AEBP2: variants seen among roughly 807,000 people sequenced by gnomAD.
AEBP2 encodes the protein AE binding protein 2, also known as zinc finger protein AEBP2.
AEBP2 carries 10 observed loss-of-function variants against 50.8 expected under a neutral mutation model. The ratio of observed to expected loss-of-function variants is 0.20; its 90% CI spans 0.12 to 0.33. AEBP2 has a LOEUF of 0.33. AEBP2 is among the 10% of genes least tolerant of loss of function. The pLI is 1.00. For missense variants in AEBP2, 570 were observed against 688.0 expected, an observed-to-expected ratio of 0.83 and a Z score of 1.92; for synonymous variants, 296 against 261.3, an observed-to-expected ratio of 1.13 and a Z score of -1.28.
chr12:19,451,032 A>G (rs373081784), intron 1 of AEBP2, among the ~76,000 whole-genome samples: 75 of 152,244 alleles, frequency 4.9e-4, no homozygotes, highest in African/African-American at 1.5e-3. Context: ...GACTATGGGC[A>G]AATCTTAATT....
upstream of AEBP2, among the ~76,000 whole-genome samples, chr12:19,436,403 G>A (rs1317471037): frequency 6.6e-6 from 1 of 152,104 alleles, no homozygotes; most frequent in Non-Finnish European, 1.5e-5. Context: ...CCTCAGTGCT[G>A]CTCTGTCTAT....
chr12:19,439,231 C>T (rs1947893828), upstream of AEBP2, among the ~76,000 whole-genome samples: 1 of 152,232 alleles, frequency 6.6e-6, no homozygotes, highest in Non-Finnish European at 1.5e-5. Flanking sequence ...TCAAACACCC[C>T]CGGAATGAAT....
chr12:19,464,876 C>T (rs901222178), intron 2 of AEBP2, among the ~76,000 whole-genome samples: 2 of 151,988 alleles, frequency 1.3e-5, no homozygotes, highest in African/African-American at 2.4e-5. Context: ...AAGTGTGAGC[C>T]ATCGCACCCG....
At chr12:19,504,786 A>G (rs998704187) in intron 5 of AEBP2, among the ~76,000 whole-genome samples, 2 of 152,210 alleles carry the variant, frequency 1.3e-5, no homozygotes, top group African/African-American at 4.8e-5. Context: ...CTTTATTTAA[A>G]AAAAGGCAAG....
chr12:19,491,290 A>C (rs552606763), intron 3 of AEBP2, among the ~76,000 whole-genome samples: 7 of 152,310 alleles, frequency 4.6e-5, no homozygotes, highest in Admixed American at 3.9e-4. Context: ...GATGCAGCCT[A>C]TTTGAGGACC....
At chr12:19,475,475 T>TATAC (rs1948634934) in intron 3 of AEBP2, among the ~76,000 whole-genome samples, 1 of 152,166 alleles carries the variant, frequency 6.6e-6, no homozygotes, top group African/African-American at 2.4e-5. Flanking sequence ...TATATATATA[T>TATAC]ATACTGCATT....
intron 1 of AEBP2, among the ~76,000 whole-genome samples, chr12:19,429,312 C>A (rs1044133085): frequency 2.0e-5 from 3 of 152,092 alleles, no homozygotes; most frequent in Non-Finnish European, 4.4e-5. Flanking sequence ...TGAACTCATC[C>A]TTTTTTATGG....
At chr12:19,484,977 A>G (rs985342703) in intron 3 of AEBP2, among the ~76,000 whole-genome samples, 1 of 152,140 alleles carries the variant, frequency 6.6e-6, no homozygotes, top group Non-Finnish European at 1.5e-5. Flanking sequence ...TTCCTGTCTA[A>G]TGTGTAGTTG....
intron 2 of AEBP2, among the ~76,000 whole-genome samples, chr12:19,472,902 A>G (rs1948592288): frequency 1.3e-5 from 2 of 152,080 alleles, no homozygotes; most frequent in African/African-American, 4.8e-5. Flanking sequence ...TTCCTATTTA[A>G]AATTAATAGA....
chr12:19,497,275 A>G (rs1015402561), intron 4 of AEBP2, among the ~76,000 whole-genome samples: 1 of 145,644 alleles, frequency 6.9e-6, no homozygotes, highest in African/African-American at 2.5e-5. Context: ...CATACAATAT[A>G]TGTAATTTTG....
chr12:19,451,656 A>T (rs1325316874), intron 1 of AEBP2, among the ~76,000 whole-genome samples: 2 of 151,098 alleles, frequency 1.3e-5, no homozygotes, highest in East Asian at 3.9e-4. Flanking sequence ...GGAGTTAAGG[A>T]TGGGGTCTTT....
chr12:19,452,444 C>G (rs1287247762), intron 1 of AEBP2, among the ~76,000 whole-genome samples: 1 of 151,836 alleles, frequency 6.6e-6, no homozygotes, highest in Non-Finnish European at 1.5e-5. Context: ...TACATAATTG[C>G]TTTTTTCCCC....
rs763793787 is a variant in AEBP2 at position 19,518,460 on chromosome 12, T to A, written c.*343T>A. On this transcript the variant is annotated 3_prime_UTR_variant, in exon 8 of 8. Transcript: ENST00000266508. ...CTGCTTTTTTTTTTCTTTTCTTCCCTTTAGTGATTTCAGTAGTTTATATTG... is the reference window on the plus strand; with the variant it reads ...CTGCTTTTTTTTTTCTTTTCTTCCCATTAGTGATTTCAGTAGTTTATATTG... The A allele has an allele frequency of 8.1e-7, 1 of 1,240,810 alleles. No individual in the cohort carries two copies. Among genetic ancestry groups the A allele is most frequent in the East Asian group, 3.2e-5 (1 of 31,432 alleles). 76.9% of individuals were successfully genotyped at this position (1,240,810 alleles called of 1,614,324 possible).
At chr12:19,452,570 C>A (rs1346604431) in intron 1 of AEBP2, among the ~76,000 whole-genome samples, 1 of 151,542 alleles carries the variant, frequency 6.6e-6, no homozygotes, top group East Asian at 1.9e-4. Flanking sequence ...AACTTTTAAT[C>A]CCTTTGTCAA....
intron 4 of AEBP2, among the ~76,000 whole-genome samples, chr12:19,498,635 G>GATCTTGAAAAATTACAT (rs1278209120): frequency 4.6e-5 from 7 of 152,076 alleles, no homozygotes; most frequent in African/African-American, 1.7e-4. Flanking sequence ...TTCAATTACA[G>GATCTTGAAAAATTACAT]ATCTTGAAAA....
chr12:19,440,522 C>A (rs111671244), intron 1 of AEBP2, 152 bp downstream of exon 1: 506 of 1,383,610 alleles, frequency 3.7e-4, no homozygotes, highest in Non-Finnish European at 4.5e-4. Flanking sequence ...CTCTCGCCGT[C>A]GCCGCCGCGC....
chr12:19,432,556 T>C (rs1021391842), intron 1 of AEBP2, among the ~76,000 whole-genome samples: 4 of 152,026 alleles, frequency 2.6e-5, no homozygotes, highest in Non-Finnish European at 4.4e-5. Flanking sequence ...TAGCCCGGCA[T>C]GATGGCATGC....
chr12:19,499,051 A>G (rs1412791730), intron 4 of AEBP2, among the ~76,000 whole-genome samples: 1 of 152,180 alleles, frequency 6.6e-6, no homozygotes, highest in African/African-American at 2.4e-5. Context: ...ATATAAGCTG[A>G]TTAATACAAA....
chr12:19,464,180 C>T (rs1030875126), intron 2 of AEBP2, among the ~76,000 whole-genome samples: 7 of 152,172 alleles, frequency 4.6e-5, no homozygotes, highest in Admixed American at 1.3e-4. Flanking sequence ...GTGTAAAACC[C>T]AGCTCAGTGG....
Sources: allele counts gnomAD v4.1 joint callset (sites outside exome capture counted in the v4.1 genomes callset), GRCh38; gene constraint gnomAD v4.1.1; transcripts MANE v1.5; gene names NCBI Gene and HGNC (gene_info 2026-07-23, HGNC 2026-07-21).